The following DAB2IP variants were observed in gnomAD, a reference collection of about 807,000 sequenced individuals.
DAB2IP encodes disabled homolog 2-interacting protein.
Under a neutral mutation model 107.2 loss-of-function variants are expected in DAB2IP, and 28 were observed. That is an observed-to-expected ratio of 0.26 (90% CI 0.19 to 0.36). The LOEUF is 0.36. DAB2IP is among the 10% of genes least tolerant of loss of function. The pLI is 1.00. For synonymous variants in DAB2IP, 755 were observed against 706.4 expected (o/e 1.07, Z -1.09); for missense variants, 1,400 against 1,644.7 (o/e 0.85, Z 2.57).
chr9:121,695,968 A>G (rs528629569), intron 2 of DAB2IP, among the ~76,000 whole-genome samples: 113 of 152,252 alleles, frequency 7.4e-4, no homozygotes, highest in African/African-American at 2.6e-3. Flanking sequence ...TCCTGGGTTC[A>G]TGCAATTCTC....
chr9:121,706,612 A>G (rs1830069390), intron 3 of DAB2IP, among the ~76,000 whole-genome samples: 1 of 152,046 alleles, frequency 6.6e-6, no homozygotes, highest in Non-Finnish European at 1.5e-5. Flanking sequence ...CATCAAGAGG[A>G]GTGATTGTAC....
At position 121,618,520 on chromosome 9, in the gene DAB2IP, C is replaced by G. The variant is rs548384836; in HGVS notation, c.40+51292C>G. On this transcript the variant is annotated intron_variant, in intron 1 of 16. Coordinates refer to the DAB2IP transcript ENST00000259371. ...GGACTACAGGCGCCCACCACAATGC[C>G]TAGCTAATTTTTGTATTTTTGGTAG... is the stretch of plus-strand genomic sequence containing the variant. Among the ~76,000 whole-genome samples, 394 of 152,098 alleles carry G rather than the reference C, an allele frequency of 2.6e-3. 2 individuals carry two copies. Among genetic ancestry groups the G allele is most frequent in the Non-Finnish European group, 4.0e-3 (272 of 67,992 alleles).
intron 1 of DAB2IP, among the ~76,000 whole-genome samples, chr9:121,675,308 G>A (rs1833854131): frequency 6.6e-6 from 1 of 152,172 alleles, no homozygotes; most frequent in African/African-American, 2.4e-5. Flanking sequence ...TGTGGAGGTG[G>A]GACATTCCTG....
intron 3 of DAB2IP, among the ~76,000 whole-genome samples, chr9:121,719,989 C>G (rs1389479430): frequency 7.9e-5 from 12 of 152,198 alleles, no homozygotes; most frequent in Admixed American, 7.9e-4. Flanking sequence ...GGCATGTGTC[C>G]AGGTGCACAT....
At chr9:121,756,439 G>A (rs1833481954) in intron 3 of DAB2IP, among the ~76,000 whole-genome samples, 1 of 152,220 alleles carries the variant, frequency 6.6e-6, no homozygotes, top group Non-Finnish European at 1.5e-5. Flanking sequence ...CATCCCTTCT[G>A]CTTCGAGACT....
chr9:121,610,695 C>G (rs759926545), intron 1 of DAB2IP, among the ~76,000 whole-genome samples: 1 of 152,156 alleles, frequency 6.6e-6, no homozygotes, highest in Admixed American at 6.5e-5. Context: ...ATATCGTTCT[C>G]CATCTCCCCA....
In DAB2IP at chr9:121,763,547, G is replaced by A. The variant is rs142519289; in HGVS notation, c.1213G>A (p.Gly405Arg). The stretch of plus-strand genomic sequence containing the variant: ...GATGATGTCAGAGGTGGACCGCTGC[G>A]GGGACAACGAGCACCTCATCTTCCG... The change falls in exon 7 of 16, where the codon GGG becomes AGG. Residue 405 changes from glycine to arginine, a missense_variant. Physicochemically the swap from Gly to Arg is moderately radical, Grantham distance 125 (BLOSUM62 -2). Coordinates refer to ENST00000408936, the Ensembl canonical transcript of DAB2IP. The A allele has an allele frequency of 1.5e-5, 25 of 1,613,814 alleles. No homozygotes were observed. The highest frequency in any genetic ancestry group is 4.5e-5 in the East Asian group (2 of 44,892).
At chr9:121,770,329 T>C (rs1587995165) in intron 10 of DAB2IP, among the ~76,000 whole-genome samples, 1 of 152,218 alleles carries the variant, frequency 6.6e-6, no homozygotes, top group Non-Finnish European at 1.5e-5. Flanking sequence ...GGCCTCCTAC[T>C]CCTGCCCTAG....
In DAB2IP at chr9:121,736,573, TG is replaced by T. The variant is rs1831940510; in HGVS notation, c.363-20436del. Among the ~76,000 whole-genome samples, 1 of 4,440 alleles carries T rather than the reference TG, an allele frequency of 2.3e-4. No homozygotes were observed. Among genetic ancestry groups the T allele is most frequent in the Non-Finnish European group, 5.0e-4 (1 of 1,992 alleles). The allele number at this position is 4,440 out of a possible 152,430, so 2.9% of individuals were successfully genotyped here. On this transcript the variant is annotated intron_variant, in intron 3 of 15. Coordinates refer to ENST00000408936, the Ensembl canonical transcript of DAB2IP. This position sits in a 1 kb window ranked among gnomAD's most constrained non-coding sequence, Gnocchi z 4.6. ...GGGCGGGTGGGAGGGCCCGGAGGGC[TG>T]GGGCTGGGGCGGGCCGCTTCCGGGC...
At chr9:121,657,697 C>T (rs762755835) in intron 1 of DAB2IP, among the ~76,000 whole-genome samples, 1 of 151,972 alleles carries the variant, frequency 6.6e-6, no homozygotes, top group African/African-American at 2.4e-5. Flanking sequence ...ACTCAGAGAG[C>T]GCTGGAATGG....
intron 3 of DAB2IP, among the ~76,000 whole-genome samples, chr9:121,704,750 A>G (rs533972972): frequency 1.4e-4 from 21 of 152,216 alleles, no homozygotes; most frequent in African/African-American, 4.6e-4. Context: ...TCCTAATCCT[A>G]TCATTCATAA....
intron 3 of DAB2IP, among the ~76,000 whole-genome samples, chr9:121,713,651 AG>A (rs1307351403): frequency 6.6e-6 from 1 of 151,984 alleles, no homozygotes; most frequent in East Asian, 1.9e-4. Context: ...CCTTCCTGAG[AG>A]TTACTGGACA....
intron 1 of DAB2IP, among the ~76,000 whole-genome samples, chr9:121,597,394 C>A (rs922085539): frequency 6.6e-6 from 1 of 152,224 alleles, no homozygotes; most frequent in South Asian, 2.1e-4. Flanking sequence ...ACCTGCAGGG[C>A]CATCTCTGCT....
intron 1 of DAB2IP, among the ~76,000 whole-genome samples, chr9:121,663,904 C>T (rs1441154425): frequency 1.3e-5 from 2 of 152,220 alleles, no homozygotes; most frequent in African/African-American, 4.8e-5. Context: ...CAGAGATATC[C>T]GGGCTTGAAT....
chr9:121,691,519 CA>C (rs528251007), intron 2 of DAB2IP, among the ~76,000 whole-genome samples: 2,187 of 73,600 alleles, frequency 0.03, 44 homozygotes, highest in African/African-American at 0.078. Flanking sequence ...GACTCCATGT[CA>C]AAAAAAAAAA....
chr9:121,695,091 C>T (rs948751597), intron 2 of DAB2IP, among the ~76,000 whole-genome samples: 3 of 151,978 alleles, frequency 2.0e-5, no homozygotes, highest in Non-Finnish European at 4.4e-5. Context: ...CTGCCTGCCC[C>T]GTGCACTTTG....
chr9:121,693,850 G>C (rs574190296), intron 2 of DAB2IP, among the ~76,000 whole-genome samples: 3 of 152,348 alleles, frequency 2.0e-5, no homozygotes, highest in Non-Finnish European at 2.9e-5. Context: ...TGCTAGGCAT[G>C]TTGCTCAGTG....
chr9:121,763,658 T>TG lies in DAB2IP; in HGVS notation c.1315+12dup. The TG allele has an allele frequency of 6.2e-7, 1 of 1,612,198 alleles. No homozygotes were observed. Among genetic ancestry groups the TG allele is most frequent in the Non-Finnish European group, 8.5e-7 (1 of 1,179,162 alleles). ...CCTGCAGGACGCCCTAGGTAGGGAG[T>TG]GGGCCAGCAGCAGGGCAGAGGGTGG... On this transcript the variant is annotated intron_variant, in intron 7 of 15. Coordinates refer to ENST00000408936, the Ensembl canonical transcript of DAB2IP.
At chr9:121,629,604 G>A (rs750004060) in intron 1 of DAB2IP, among the ~76,000 whole-genome samples, 1 of 152,164 alleles carries the variant, frequency 6.6e-6, no homozygotes, top group East Asian at 1.9e-4. Flanking sequence ...CCTGGGAGGC[G>A]GCCAGGGCCC....
Sources: allele counts gnomAD v4.1 joint callset (sites outside exome capture counted in the v4.1 genomes callset), GRCh38; gene constraint gnomAD v4.1.1; non-coding constraint Gnocchi (gnomAD v3.1); transcripts MANE v1.5; gene names NCBI Gene and HGNC (gene_info 2026-07-23, HGNC 2026-07-21).